Variants in LARGE1 observed in about 807,000 individuals in gnomAD.
LARGE1 encodes the protein LARGE xylosyl- and glucuronyltransferase 1.
Under a neutral mutation model 87.6 loss-of-function variants are expected in LARGE1, and 43 were observed. The observed-to-expected ratio is 0.49, with a 90% CI of 0.38 to 0.63. The LOEUF (loss-of-function observed/expected upper bound fraction) is 0.63, where lower values mean the gene tolerates loss of function less well. Among genes scored for constraint, LARGE1 ranks in the 30% least tolerant of loss-of-function variants. The pLI is 0.00. For synonymous variants in LARGE1, 434 were observed against 394.6 expected (o/e 1.10, Z -1.18); for missense variants, 802 against 1,000.2 (o/e 0.80, Z 2.67).
the LARGE1 span, among the ~76,000 whole-genome samples, chr22:33,071,210 C>A: frequency 3.3e-5 from 5 of 152,120 alleles, no homozygotes; most frequent in Non-Finnish European, 5.9e-5. Context: ...ATGAGAACTT[C>A]TTTCCCAGAC....
intron 11 of LARGE1, among the ~76,000 whole-genome samples, chr22:33,211,465 C>T (rs1244859825): frequency 6.6e-6 from 1 of 152,142 alleles, no homozygotes; most frequent in African/African-American, 2.4e-5. Context: ...AGGAAAGGTT[C>T]TTCAAGGGAA....
At chr22:33,668,882 G>C (rs1483821114) in intron 2 of LARGE1, among the ~76,000 whole-genome samples, 1 of 152,202 alleles carries the variant, frequency 6.6e-6, no homozygotes, top group Non-Finnish European at 1.5e-5. Flanking sequence ...ATGTAATGGC[G>C]TAAAAAGATG....
chr22:33,642,055 A>T (rs1350488000), intron 3 of LARGE1, among the ~76,000 whole-genome samples: 1 of 152,168 alleles, frequency 6.6e-6, no homozygotes, highest in African/African-American at 2.4e-5. Flanking sequence ...GTCTTCCAGA[A>T]AGGCAACCCC....
chr22:33,178,676 T>C (rs1923005647), intron 11 of LARGE1, among the ~76,000 whole-genome samples: 1 of 152,242 alleles, frequency 6.6e-6, no homozygotes, highest in Non-Finnish European at 1.5e-5. Flanking sequence ...CAGAATATTC[T>C]CTTCCTCCTC....
At chr22:33,558,759 A>G (rs1408964320) in intron 6 of LARGE1, among the ~76,000 whole-genome samples, 2 of 152,192 alleles carry the variant, frequency 1.3e-5, no homozygotes, top group African/African-American at 4.8e-5. Context: ...TAAAATTTCT[A>G]CAAATGTCTT....
intron 1 of LARGE1, among the ~76,000 whole-genome samples, chr22:33,785,123 G>GTGTATACATACATATGTGTATATA (rs1569445874): frequency 0.043 from 1,546 of 35,910 alleles, 74 homozygotes; most frequent in Admixed American, 0.093. Flanking sequence ...ATGTGTATAT[G>GTGTATACATACATATGTGTATATA]CATATATGTG....
intron 5 of LARGE1, among the ~76,000 whole-genome samples, chr22:33,583,995 G>A (rs1460637179): frequency 6.6e-6 from 1 of 152,184 alleles, no homozygotes. Context: ...ATCCTGACCA[G>A]TCCTGGATGT....
intron 9 of LARGE1, among the ~76,000 whole-genome samples, chr22:33,370,571 T>C (rs113521556): frequency 0.012 from 1,773 of 152,248 alleles, 22 homozygotes; most frequent in African/African-American, 0.035. Context: ...TGTTTATAAA[T>C]GGGTGAGTTT....
At chr22:33,308,581 G>GGTCCAT (rs1249577077) in intron 11 of LARGE1, among the ~76,000 whole-genome samples, 1 of 152,064 alleles carries the variant, frequency 6.6e-6, no homozygotes, top group African/African-American at 2.4e-5. Flanking sequence ...GACTTGCTTT[G>GGTCCAT]GTCCATGCGA....
At chr22:33,775,549 G>T (rs956913782) in intron 1 of LARGE1, among the ~76,000 whole-genome samples, 1 of 152,122 alleles carries the variant, frequency 6.6e-6, no homozygotes, top group African/African-American at 2.4e-5. Context: ...AGACAATTTT[G>T]ATTATTAAGA....
the LARGE1 span, among the ~76,000 whole-genome samples, chr22:33,111,957 C>CCAAT: frequency 6.6e-6 from 1 of 152,046 alleles, no homozygotes; most frequent in South Asian, 2.1e-4. Flanking sequence ...CAAATAAAGT[C>CCAAT]CAATATAGCT....
At chr22:33,824,605 C>G (rs1307528326) in intron 1 of LARGE1, among the ~76,000 whole-genome samples, 4 of 152,150 alleles carry the variant, frequency 2.6e-5, no homozygotes, top group African/African-American at 7.2e-5. Context: ...TTCCTTTCAC[C>G]TGTAGACATT....
At chr22:33,862,745 T>C (rs1369503132) in intron 1 of LARGE1, among the ~76,000 whole-genome samples, 4 of 152,118 alleles carry the variant, frequency 2.6e-5, no homozygotes, top group Non-Finnish European at 5.9e-5. Context: ...AAAACATAAG[T>C]TCTTCTTGTG....
In LARGE1 at chr22:33,654,647, A is replaced by T. The variant is rs550519749; in HGVS notation, c.107-3979T>A. On this transcript the variant is annotated intron_variant, in intron 2 of 14. Coordinates refer to ENST00000397394, the MANE Select transcript of LARGE1 (RefSeq NM_133642.5). ...AGGGTAGTGAACAGCCAGCCTCCTT[A>T]CGTTTCTCTGTTACGTTTTACAGGC... Among the ~76,000 whole-genome samples, 5 of 151,210 alleles carry T rather than the reference A, an allele frequency of 3.3e-5. No individual in the cohort carries two copies. The South Asian group carries it at 1.0e-3, about 31-fold the overall frequency.
At chr22:33,626,413 G>A in intron 3 of LARGE1, 87 bp from the exon 4 acceptor site, 1 of 1,024,474 alleles carries the variant, frequency 9.8e-7, no homozygotes, top group Admixed American at 1.9e-5. Flanking sequence ...AAGAAAAATT[G>A]CCCTGATTTC....
At chr22:33,294,774 C>T (rs755593061) in intron 12 of LARGE1, among the ~76,000 whole-genome samples, 8 of 152,172 alleles carry the variant, frequency 5.3e-5, no homozygotes, top group Non-Finnish European at 1.2e-4. Flanking sequence ...TTTCCAGGTC[C>T]TGCACAGTGC....
intron 2 of LARGE1, among the ~76,000 whole-genome samples, chr22:33,759,903 C>T (rs905341479): frequency 2.6e-5 from 4 of 152,118 alleles, no homozygotes; most frequent in African/African-American, 9.7e-5. Flanking sequence ...TCTGACTGTT[C>T]CAGGGATGCA....
the LARGE1 span, among the ~76,000 whole-genome samples, chr22:33,067,824 CAAA>C: frequency 6.6e-6 from 1 of 152,114 alleles, no homozygotes; most frequent in South Asian, 2.1e-4. Flanking sequence ...ACTAAAAATA[CAAA>C]AAATTAGCCA....
rs146900051 is a variant in LARGE1, at chr22:33,275,930, A to G, written c.2073+1130T>C. ...TGGCACTCTGCTCATTCAAAGTATTATAAAAAATATGGATACTGACAGCCC... is the reference window on the plus strand; with the variant it reads ...TGGCACTCTGCTCATTCAAAGTATTGTAAAAAATATGGATACTGACAGCCC... On this transcript the variant is annotated intron_variant, in intron 14 of 14. Transcript: ENST00000397394. Among the ~76,000 whole-genome samples, 4 of 152,350 alleles carry G rather than the reference A, an allele frequency of 2.6e-5. No individual in the cohort carries two copies. The East Asian group carries it at 7.7e-4, about 29-fold the overall frequency.
Sources: gnomAD v4.1 joint callset for allele counts (sites outside exome capture counted in the v4.1 genomes callset) on GRCh38, gnomAD v4.1.1 for gene constraint, MANE v1.5 for transcripts, NCBI Gene and HGNC (gene_info 2026-07-23, HGNC 2026-07-21) for gene names.